The following FBLN7 variants were observed in gnomAD, a reference collection of about 807,000 sequenced individuals.
The protein encoded by FBLN7 is fibulin 7.
In FBLN7, 31 loss-of-function variants were observed where a neutral mutation model predicts 44.0. The observed-to-expected ratio is 0.70, with a 90% CI of 0.53 to 0.95. The LOEUF is 0.95. Among genes scored for constraint, FBLN7 ranks in the 40% least tolerant of loss-of-function variants. The pLI, the probability that FBLN7 is intolerant of heterozygous loss-of-function variation, is 0.00. For synonymous variants in FBLN7, 262 were observed against 253.4 expected (o/e 1.03, Z -0.32); for missense variants, 573 against 618.5 (o/e 0.93, Z 0.78).
chr2:112,164,633 G>T (rs1031826446), intron 2 of FBLN7, among the ~76,000 whole-genome samples: 1 of 152,224 alleles, frequency 6.6e-6, no homozygotes, highest in African/African-American at 2.4e-5. Context: ...GGCTGAGCCC[G>T]GCCTGTTCAG....
chr2:112,160,696 A>C (rs1453326045), intron 2 of FBLN7, among the ~76,000 whole-genome samples: 1 of 110,796 alleles, frequency 9.0e-6, no homozygotes, highest in Non-Finnish European at 2.0e-5. Flanking sequence ...GCACACGCAC[A>C]CACGCACGCA....
the FBLN7 span, among the ~76,000 whole-genome samples, chr2:112,228,450 C>T: frequency 2.0e-5 from 3 of 150,354 alleles, no homozygotes; most frequent in South Asian, 2.1e-4. Flanking sequence ...TGCAGTGAGC[C>T]GAGACTGCAC....
intron 1 of FBLN7, among the ~76,000 whole-genome samples, chr2:112,155,617 G>A (rs1681371960): frequency 6.6e-6 from 1 of 152,202 alleles, no homozygotes; most frequent in African/African-American, 2.4e-5. Context: ...TGCAGCCTTG[G>A]TTTGCTTGGT....
the FBLN7 span, chr2:112,238,269 T>C: frequency 6.3e-7 from 1 of 1,577,992 alleles, no homozygotes; most frequent in South Asian, 1.1e-5. Flanking sequence ...CAACTGTGAC[T>C]GCTTCTCTAG....
At chr2:112,244,055 A>G in the FBLN7 span, among the ~76,000 whole-genome samples, 1 of 138,664 alleles carries the variant, frequency 7.2e-6, no homozygotes, top group Non-Finnish European at 1.6e-5. Context: ...GTCTCATATA[A>G]AAGGATATGA....
chr2:112,145,557 T>G (rs1042941949), intron 1 of FBLN7, among the ~76,000 whole-genome samples: 11 of 152,264 alleles, frequency 7.2e-5, no homozygotes, highest in Non-Finnish European at 1.5e-4. Context: ...TTTTAAATTT[T>G]AATGAACTTT....
chr2:112,192,863 G>A (rs138492164), downstream of FBLN7, among the ~76,000 whole-genome samples: 4 of 152,304 alleles, frequency 2.6e-5, no homozygotes, highest in African/African-American at 7.2e-5. Context: ...TCCAGGCACT[G>A]TTCTACTTGC....
chr2:112,238,321 G>T, the FBLN7 span: 2 of 1,613,070 alleles, frequency 1.2e-6, no homozygotes, highest in South Asian at 2.2e-5. Flanking sequence ...TTACCCTGTG[G>T]GGTATCTTTT....
At chr2:112,216,765 TGAA>T in the FBLN7 span, among the ~76,000 whole-genome samples, 7 of 148,118 alleles carry the variant, frequency 4.7e-5, no homozygotes, top group South Asian at 1.3e-3. Flanking sequence ...ATATTACAAA[TGAA>T]GACTATATTA....
intron 4 of FBLN7, among the ~76,000 whole-genome samples, chr2:112,180,922 C>CAAA (rs60214148): frequency 5.4e-4 from 40 of 74,292 alleles, no homozygotes; most frequent in Admixed American, 9.6e-4. Flanking sequence ...GACTCTGTCT[C>CAAA]AAAAAAAAAA....
At position 112,165,150 on chromosome 2, in the gene FBLN7, G is replaced by C. The variant is rs1682087316; in HGVS notation, c.385G>C (p.Gly129Arg). The C allele has an allele frequency of 6.2e-7, 1 of 1,613,982 alleles. No homozygotes were observed. The highest frequency in any genetic ancestry group is 8.5e-7 in the Non-Finnish European group (1 of 1,180,002). ...GTGTCTTCCCAATGGCACCTGGACAGGGGAGCAGCCCCACTGTAGAGGTAT... is the reference window on the plus strand; with the variant it reads ...GTGTCTTCCCAATGGCACCTGGACACGGGAGCAGCCCCACTGTAGAGGTAT... ...VVCLPNGTWT[G>R]EQPHCRGISE... Residue 129 changes from glycine (G) to arginine (R), a missense_variant, in exon 3 of 8, where the codon GGG becomes CGG. Gly to Arg is a moderately radical substitution (Grantham distance 125, BLOSUM62 -2). Transcript: ENST00000331203.
chr2:112,165,071 A>C lies in FBLN7; in HGVS notation c.306A>C (p.Glu102Asp). 1.2e-6 allele frequency: 2 copies of C among 1,614,174 alleles called. No individual in the cohort carries two copies. The highest frequency in any genetic ancestry group is 8.5e-7 in the Non-Finnish European group (1 of 1,180,034). The change falls in exon 3 of 8, where the codon GAA (glutamate) becomes GAC (aspartate). Residue 102 changes from glutamate to aspartate, a missense_variant. Physicochemically the swap from Glu to Asp is conservative, Grantham distance 45 (BLOSUM62 2). Transcript: ENST00000331203. ...GAAGCAAGTACTTAGTGGATCACGA[A>C]GTCCATTTTACCTGCAACCCTGGGT... ...KFGSKYLVDHEVHFTCNPGFR... is the reference protein window; with the variant it reads ...KFGSKYLVDHDVHFTCNPGFR...
At chr2:112,216,566 C>A in the FBLN7 span, 1 of 151,204 alleles carries the variant, frequency 6.6e-6, no homozygotes, top group African/African-American at 2.4e-5. Flanking sequence ...ACAACAACAA[C>A]AAAAAACATA....
At chr2:112,236,443 C>A in the FBLN7 span, 1 of 1,377,958 alleles carries the variant, frequency 7.3e-7, no homozygotes, top group Non-Finnish European at 9.8e-7. Flanking sequence ...ATCCGAAAAC[C>A]GATTCTGTGG....
In FBLN7 at chr2:112,182,836, T is replaced by A. The variant is rs1213052732; in HGVS notation, c.716T>A (p.Leu239His). Reference sequence around the variant, plus strand: ...TACGGGCAGGAGGGGCGCCCCCGGCTCTGCATGCACGCCTGCGTGAACACC... The same window carrying A: ...TACGGGCAGGAGGGGCGCCCCCGGCACTGCATGCACGCCTGCGTGAACACC... Reference protein sequence around the residue: ...ELYGQEGRPRLCMHACVNTPG... With the variant: ...ELYGQEGRPRHCMHACVNTPG... Residue 239 changes from leucine to histidine, a missense_variant, in exon 6 of 8, where the codon CTC becomes CAC. Physicochemically the swap from Leu to His is moderately conservative, Grantham distance 99. Coordinates refer to ENST00000331203, the MANE Select transcript of FBLN7 (RefSeq NM_153214.3). The A allele has an allele frequency of 6.2e-7, 1 of 1,611,918 alleles. No homozygotes were observed. The highest frequency in any genetic ancestry group is 1.7e-5 in the Admixed American group (1 of 59,692).
At chr2:112,231,901 C>G in the FBLN7 span, 1 of 1,587,950 alleles carries the variant, frequency 6.3e-7, no homozygotes, top group Non-Finnish European at 8.6e-7. Context: ...AGTATTCTCC[C>G]TGATAACATT....
the FBLN7 span, among the ~76,000 whole-genome samples, chr2:112,218,663 C>T: frequency 6.6e-6 from 1 of 152,090 alleles, no homozygotes; most frequent in Non-Finnish European, 1.5e-5. Flanking sequence ...TGGAGATTCA[C>T]TACAATTTGG....
intron 4 of FBLN7, among the ~76,000 whole-genome samples, chr2:112,180,922 C>CAAAAAAA (rs60214148): frequency 1.3e-5 from 1 of 74,314 alleles, no homozygotes; most frequent in African/African-American, 5.4e-5. Context: ...GACTCTGTCT[C>CAAAAAAA]AAAAAAAAAA....
At position 112,162,772 on chromosome 2, in the gene FBLN7, T is replaced by C. The variant is rs189235606; in HGVS notation, c.236-2229T>C. Among the ~76,000 whole-genome samples, 10 of 152,310 alleles carry C rather than the reference T, an allele frequency of 6.6e-5. 1 individual carries two copies. The East Asian group carries it at 1.7e-3, about 26-fold the overall frequency. ...AGCATCTATTAAGTGCCAGATACTG[T>C]TCAATCTATTCAGGTATGGTGTATT... On this transcript the variant is annotated intron_variant, in intron 2 of 7. Transcript: ENST00000331203.
Sources: allele counts gnomAD v4.1 joint callset (sites outside exome capture counted in the v4.1 genomes callset), GRCh38; gene constraint gnomAD v4.1.1; transcripts MANE v1.5; gene names NCBI Gene and HGNC (gene_info 2026-07-23, HGNC 2026-07-21).